SYN3: variants seen among roughly 807,000 people sequenced by gnomAD.
SYN3 encodes the protein synapsin III.
In SYN3, 35 loss-of-function variants were observed where a neutral mutation model predicts 65.8. The observed-to-expected ratio is 0.53, with a 90% confidence interval of 0.41 to 0.70. The LOEUF is 0.70. SYN3 is among the 30% of genes least tolerant of loss of function. The pLI is 0.00. For missense variants in SYN3, 680 were observed against 749.0 expected (o/e 0.91, Z 1.08); for synonymous variants, 270 against 292.9 (o/e 0.92, Z 0.80).
At chr22:32,617,044 C>T (rs538293198) in intron 6 of SYN3, among the ~76,000 whole-genome samples, 11 of 152,260 alleles carry the variant, frequency 7.2e-5, no homozygotes, top group Admixed American at 5.2e-4. Context: ...CAAGGCTTCA[C>T]GTTTAAGAAG....
intron 6 of SYN3, among the ~76,000 whole-genome samples, chr22:32,661,367 C>T (rs1000281171): frequency 6.6e-6 from 1 of 152,252 alleles, no homozygotes; most frequent in Non-Finnish European, 1.5e-5. Context: ...AGCCCGGGAA[C>T]AAGTGGAGAG....
rs1476227654 is a variant in SYN3 at position 33,035,342 on chromosome 22, C to CT, written c.-163+22949_-163+22950insA. ...TAAAAATCTCGGGACCCCCCCCCCC[C>CT]CCGCCACCAAACTTCTTATGCAAAA... On this transcript the variant is annotated intron_variant, in intron 1 of 13. Transcript: ENST00000358763. 5.5e-4 allele frequency among the ~76,000 whole-genome samples: 60 copies of CT among 109,184 alleles called. 2 individuals carry two copies. The highest frequency in any genetic ancestry group is 2.7e-3 in the African/African-American group (57 of 20,904). 71.6% of individuals were successfully genotyped at this position (109,184 alleles called of 152,430 possible). A position where few individuals can be genotyped will look rare whatever the true frequency, so the allele number is the denominator to read the frequency against.
rs1172286014 is a variant in SYN3, at chr22:32,837,528, G to A, written c.711+27387C>T. Among the ~76,000 whole-genome samples, 2 of 152,182 alleles carry A rather than the reference G, an allele frequency of 1.3e-5. No individual in the cohort carries two copies. Among genetic ancestry groups the A allele is most frequent in the African/African-American group, 2.4e-5 (1 of 41,436 alleles). Reference sequence around the variant, plus strand: ...GTGAAAGGGCTTGAGGGGAGACAGGGTACGGCGGGAGACAGAGATGCATGA... The same window carrying A: ...GTGAAAGGGCTTGAGGGGAGACAGGATACGGCGGGAGACAGAGATGCATGA... On this transcript the variant is annotated intron_variant, in intron 6 of 13. Transcript: ENST00000358763. The surrounding 1 kb of genome is among the most constrained non-coding windows in gnomAD (Gnocchi z 4.1).
chr22:33,001,327 C>T (rs752962424), intron 2 of SYN3, among the ~76,000 whole-genome samples: 9 of 152,192 alleles, frequency 5.9e-5, no homozygotes, highest in Non-Finnish European at 1.3e-4. Flanking sequence ...AATAGAGAGA[C>T]TGAACATCAA....
At chr22:32,719,324 T>A (rs925732507) in intron 6 of SYN3, among the ~76,000 whole-genome samples, 1 of 152,164 alleles carries the variant, frequency 6.6e-6, no homozygotes, top group Non-Finnish European at 1.5e-5. Context: ...AGAACCAAAC[T>A]CTTTTGGAGC....
chr22:32,981,383 C>A (rs977264497), intron 2 of SYN3, among the ~76,000 whole-genome samples: 1 of 151,340 alleles, frequency 6.6e-6, no homozygotes, highest in Admixed American at 6.6e-5. Context: ...GTGAGGAGTT[C>A]GAGACCAGTC....
At chr22:32,938,164 G>A (rs1221232182) in intron 3 of SYN3, among the ~76,000 whole-genome samples, 2 of 152,140 alleles carry the variant, frequency 1.3e-5, no homozygotes, top group Non-Finnish European at 2.9e-5. Context: ...AGATAAGAAT[G>A]ATAAACAGCT....
chr22:32,810,949 T>C lies in SYN3; in HGVS notation c.711+53966A>G, dbSNP rs1045400859. 2.6e-5 allele frequency among the ~76,000 whole-genome samples: 4 copies of C among 152,194 alleles called. No homozygotes were observed. In the South Asian group the frequency reaches 8.3e-4, roughly 32 times the overall value. ...GCTACTCCCAAGCTTGGGCAGGTTC[T>C]TTGCCTCAGTTTCCTCATCTCTAAA... On this transcript the variant is annotated intron_variant, in intron 6 of 13. Coordinates refer to ENST00000358763, the MANE Select transcript of SYN3 (RefSeq NM_003490.4).
chr22:32,706,032 C>T (rs934206416), intron 6 of SYN3, among the ~76,000 whole-genome samples: 2 of 152,150 alleles, frequency 1.3e-5, no homozygotes, highest in Admixed American at 6.5e-5. Flanking sequence ...TTCCTTTCTT[C>T]CTATTTGGAT....
rs535329638 is a variant in SYN3, at chr22:32,604,323, C to T, written c.712-7587G>A. ...AAGGCTCTGCCTGATCCAGCTCTCC[C>T]CCATGTCTTCTGTTTCATCTCATGT... is the stretch of plus-strand genomic sequence containing the variant. On this transcript the variant is annotated intron_variant, in intron 6 of 13. Coordinates refer to ENST00000358763, the MANE Select transcript of SYN3 (RefSeq NM_003490.4). Among the ~76,000 whole-genome samples, 6 of 152,332 alleles carry T rather than the reference C, an allele frequency of 3.9e-5. No homozygotes were observed. In the South Asian group the frequency reaches 1.0e-3, roughly 26 times the overall value.
chr22:32,827,658 A>G (rs1352921689), intron 6 of SYN3, among the ~76,000 whole-genome samples: 1 of 152,186 alleles, frequency 6.6e-6, no homozygotes, highest in Admixed American at 6.5e-5. Flanking sequence ...AACTTTAAAA[A>G]ATGTCAGTCA....
intron 6 of SYN3, among the ~76,000 whole-genome samples, chr22:32,736,026 C>G (rs1223417599): frequency 6.6e-6 from 1 of 152,188 alleles, no homozygotes; most frequent in African/African-American, 2.4e-5. Context: ...TTCCTAGAAT[C>G]AGAGGTAGGC....
chr22:32,709,616 C>T (rs911945285), intron 6 of SYN3, among the ~76,000 whole-genome samples: 4 of 152,124 alleles, frequency 2.6e-5, no homozygotes, highest in Non-Finnish European at 5.9e-5. Flanking sequence ...ACAAAACATT[C>T]AGAAAAACCC....
At chr22:32,841,522 C>T (rs1163519826) in intron 6 of SYN3, among the ~76,000 whole-genome samples, 1 of 152,056 alleles carries the variant, frequency 6.6e-6, no homozygotes, top group African/African-American at 2.4e-5. Flanking sequence ...ATGAGAGCCC[C>T]GGGTGCAGGG....
At chr22:32,523,512 C>CA (rs912080182) in intron 12 of SYN3, among the ~76,000 whole-genome samples, 4 of 152,014 alleles carry the variant, frequency 2.6e-5, no homozygotes, top group Admixed American at 2.6e-4. Flanking sequence ...GACTCCATCT[C>CA]AAAAAACAAA....
intron 4 of SYN3, among the ~76,000 whole-genome samples, chr22:32,897,368 G>A (rs1260186694): frequency 1.3e-5 from 2 of 152,188 alleles, no homozygotes; most frequent in African/African-American, 2.4e-5. Flanking sequence ...TGGATGCTGC[G>A]TGCAGCTCAT....
intron 1 of SYN3, among the ~76,000 whole-genome samples, chr22:33,010,641 A>C (rs2145821619): frequency 6.6e-6 from 1 of 152,342 alleles, no homozygotes; most frequent in African/African-American, 2.4e-5. Flanking sequence ...TGTCTTAGAT[A>C]TCCTAGGTCC....
chr22:32,981,691 T>C (rs945161211), intron 2 of SYN3, among the ~76,000 whole-genome samples: 3 of 152,174 alleles, frequency 2.0e-5, no homozygotes, highest in African/African-American at 4.8e-5. Flanking sequence ...TCTGAAATGA[T>C]GGCTATGCTG....
intron 6 of SYN3, among the ~76,000 whole-genome samples, chr22:32,715,331 G>T (rs765277811): frequency 2.6e-5 from 4 of 152,174 alleles, no homozygotes; most frequent in Non-Finnish European, 5.9e-5. Context: ...ATTTAGCTCA[G>T]TGTTTCCCAA....
Sources: gnomAD v4.1 joint callset for allele counts (sites outside exome capture counted in the v4.1 genomes callset) on GRCh38, gnomAD v4.1.1 for gene constraint, Gnocchi (gnomAD v3.1) non-coding constraint, MANE v1.5 for transcripts, NCBI Gene and HGNC (gene_info 2026-07-23, HGNC 2026-07-21) for gene names.